The following GALNTL6 variants were observed in gnomAD, a reference collection of about 807,000 sequenced individuals.
GALNTL6 encodes polypeptide N-acetylgalactosaminyltransferase-like 6.
In GALNTL6, 46 loss-of-function variants were observed where a neutral mutation model predicts 73.7. The ratio of observed to expected loss-of-function variants is 0.62; its 90% confidence interval spans 0.49 to 0.80. The LOEUF is 0.80. GALNTL6 is among the 30% of genes least tolerant of loss of function. The pLI, the probability that GALNTL6 is intolerant of heterozygous loss-of-function variation, is 0.00. For missense variants in GALNTL6, 604 were observed against 755.0 expected (o/e 0.80, Z 2.34); for synonymous variants, 259 against 263.7 (o/e 0.98, Z 0.17).
chr4:173,023,166 G>A (rs534573096), intron 12 of GALNTL6, among the ~76,000 whole-genome samples: 1 of 152,330 alleles, frequency 6.6e-6, no homozygotes, highest in African/African-American at 2.4e-5. Context: ...GAGAAGTGGT[G>A]GAGAGTCAGT....
chr4:172,415,816 A>G (rs2111351823), intron 5 of GALNTL6, among the ~76,000 whole-genome samples: 1 of 152,250 alleles, frequency 6.6e-6, no homozygotes, highest in South Asian at 2.1e-4. Context: ...TGCCTGCACC[A>G]GTAATCAGAA....
intron 12 of GALNTL6, among the ~76,000 whole-genome samples, chr4:173,036,962 C>T (rs953428566): frequency 1.3e-5 from 2 of 152,252 alleles, no homozygotes; most frequent in African/African-American, 4.8e-5. Context: ...ACTTGATCCA[C>T]TGACTTAAGT....
chr4:171,903,899 G>A (rs948213093), intron 2 of GALNTL6, among the ~76,000 whole-genome samples: 108 of 152,156 alleles, frequency 7.1e-4, no homozygotes, highest in Non-Finnish European at 1.4e-3. Flanking sequence ...CACCTCACAC[G>A]GCCAGGTACT....
At chr4:172,260,063 G>T (rs754567581) in intron 3 of GALNTL6, among the ~76,000 whole-genome samples, 4 of 151,642 alleles carry the variant, frequency 2.6e-5, no homozygotes, top group Non-Finnish European at 5.9e-5. Context: ...TCTTACTTTG[G>T]CTATGTGGGC....
chr4:172,771,390 C>T lies in GALNTL6; in HGVS notation c.554-37971C>T, dbSNP rs763730772. On this transcript the variant is annotated intron_variant, in intron 5 of 12. Coordinates refer to ENST00000506823, the MANE Select transcript of GALNTL6 (RefSeq NM_001034845.3). ...AATTTTAGTATATCCTACTAATATC[C>T]GAGTTTATTATTTCTCTCCTAAGCT... Among the ~76,000 whole-genome samples the T allele has an allele frequency of 4.6e-5, 7 of 152,088 alleles. No homozygotes were observed. In the East Asian group the frequency reaches 9.6e-4, roughly 21 times the overall value.
intron 5 of GALNTL6, among the ~76,000 whole-genome samples, chr4:172,440,881 AT>A (rs1561084348): frequency 1.3e-5 from 2 of 152,024 alleles, no homozygotes; most frequent in African/African-American, 4.8e-5. Context: ...TAACTATAAA[AT>A]TTTTTATCAA....
chr4:172,170,665 C>G (rs1003047776), intron 2 of GALNTL6, among the ~76,000 whole-genome samples: 3 of 151,928 alleles, frequency 2.0e-5, no homozygotes, highest in Non-Finnish European at 4.4e-5. Flanking sequence ...GGCATTCCAC[C>G]AAACCCGGCT....
intron 4 of GALNTL6, among the ~76,000 whole-genome samples, chr4:172,329,402 C>T (rs1325944473): frequency 2.6e-5 from 4 of 152,260 alleles, no homozygotes; most frequent in African/African-American, 7.2e-5. Flanking sequence ...GGGCTGCTGC[C>T]ATATGCTGGG....
chr4:172,137,623 G>C (rs985095736), intron 2 of GALNTL6, among the ~76,000 whole-genome samples: 2 of 152,010 alleles, frequency 1.3e-5, no homozygotes, highest in Non-Finnish European at 2.9e-5. Context: ...ACAGACTTTA[G>C]AAAACAAAAC....
At chr4:171,983,140 C>G (rs778634198) in intron 2 of GALNTL6, among the ~76,000 whole-genome samples, 1 of 152,214 alleles carries the variant, frequency 6.6e-6, no homozygotes, top group Non-Finnish European at 1.5e-5. Context: ...TAAATAAACC[C>G]GTATAGTTTT....
intron 2 of GALNTL6, among the ~76,000 whole-genome samples, chr4:172,028,988 A>G (rs890614262): frequency 6.6e-6 from 1 of 152,038 alleles, no homozygotes; most frequent in Non-Finnish European, 1.5e-5. Context: ...GTCTTTTTCT[A>G]ATATTTGAAC....
At position 172,208,879 on chromosome 4, in the gene GALNTL6, A is replaced by G. The variant is rs569409294; in HGVS notation, c.139-20777A>G. Among the ~76,000 whole-genome samples the G allele has an allele frequency of 4.6e-5, 7 of 152,276 alleles. No homozygotes were observed. The South Asian group carries it at 1.4e-3, about 32-fold the overall frequency. ...GAAGAACCATTATCTTCAAATAATT[A>G]AAGAGCTATTATGTAGAAAAAAGTA... On this transcript the variant is annotated intron_variant, in intron 2 of 12. Coordinates refer to ENST00000506823, the MANE Select transcript of GALNTL6 (RefSeq NM_001034845.3).
At chr4:172,301,170 G>T (rs1739901302) in intron 3 of GALNTL6, among the ~76,000 whole-genome samples, 1 of 152,074 alleles carries the variant, frequency 6.6e-6, no homozygotes, top group Non-Finnish European at 1.5e-5. Flanking sequence ...GGCTACTGAG[G>T]CTTGTGCATT....
At chr4:172,021,032 A>C (rs1275016125) in intron 2 of GALNTL6, among the ~76,000 whole-genome samples, 1 of 152,150 alleles carries the variant, frequency 6.6e-6, no homozygotes, top group African/African-American at 2.4e-5. Flanking sequence ...ACATATCAAC[A>C]GAATGAAGGA....
chr4:172,156,564 T>C (rs1284365892), intron 2 of GALNTL6, among the ~76,000 whole-genome samples: 4 of 111,156 alleles, frequency 3.6e-5, no homozygotes, highest in Admixed American at 9.1e-5. Flanking sequence ...TATATATATA[T>C]ATACATACTA....
intron 5 of GALNTL6, among the ~76,000 whole-genome samples, chr4:172,611,800 A>G (rs961587241): frequency 6.6e-6 from 1 of 152,010 alleles, no homozygotes; most frequent in African/African-American, 2.4e-5. Flanking sequence ...TTCCCTGTGA[A>G]GTTTTCAAGG....
chr4:173,001,817 A>G (rs1269218129), intron 10 of GALNTL6, among the ~76,000 whole-genome samples: 3 of 152,200 alleles, frequency 2.0e-5, no homozygotes, highest in Admixed American at 2.0e-4. Flanking sequence ...ACAATGAAAT[A>G]CCAGTTTACA....
intron 8 of GALNTL6, among the ~76,000 whole-genome samples, chr4:172,894,887 A>G (rs1273187555): frequency 1.3e-5 from 2 of 150,630 alleles, no homozygotes. Flanking sequence ...ACATGTATTT[A>G]TAATTGTTAT....
intron 5 of GALNTL6, among the ~76,000 whole-genome samples, chr4:172,655,510 A>T (rs569823980): frequency 6.6e-6 from 1 of 152,168 alleles, no homozygotes; most frequent in Non-Finnish European, 1.5e-5. Context: ...TTCATTTTAT[A>T]GATGAGGCTT....
Sources: allele counts gnomAD v4.1 joint callset (sites outside exome capture counted in the v4.1 genomes callset), GRCh38; gene constraint gnomAD v4.1.1; transcripts MANE v1.5; gene names NCBI Gene and HGNC (gene_info 2026-07-23, HGNC 2026-07-21).